Variants in ATP8A2 observed in about 807,000 individuals in gnomAD.
ATP8A2 encodes the protein ATPase phospholipid transporting 8A2.
ATP8A2 carries 100 observed loss-of-function variants against 165.6 expected under a neutral mutation model. The observed-to-expected ratio is 0.60, with a 90% CI of 0.51 to 0.71. The LOEUF (loss-of-function observed/expected upper bound fraction) is 0.71. Ranked by LOEUF, ATP8A2 falls within the 30% of genes least tolerant of loss-of-function variation. The pLI, the probability that ATP8A2 is intolerant of heterozygous loss-of-function variation, is 0.00. For missense variants in ATP8A2, 1,227 were observed against 1,479.5 expected (o/e 0.83, Z 2.80); for synonymous variants, 543 against 548.8 (o/e 0.99, Z 0.15).
chr13:25,439,811 GCAGGAGGATTGCTTGGGCC>G (rs924813156), intron 1 of ATP8A2, among the ~76,000 whole-genome samples: 35 of 152,188 alleles, frequency 2.3e-4, no homozygotes, highest in African/African-American at 8.2e-4. Flanking sequence ...GGACGCTGAG[GCAGGAGGATTGCTTGGGCC>G]CAGGAGTTTG....
intron 34 of ATP8A2, among the ~76,000 whole-genome samples, chr13:25,966,553 A>AGCATT (rs1372004727): frequency 3.3e-5 from 5 of 152,212 alleles, no homozygotes; most frequent in Non-Finnish European, 7.3e-5. Context: ...AATCATCCCC[A>AGCATT]GCATTGCAAT....
At chr13:25,717,833 G>T (rs2043289348) in intron 25 of ATP8A2, among the ~76,000 whole-genome samples, 1 of 152,192 alleles carries the variant, frequency 6.6e-6, no homozygotes, top group Admixed American at 6.5e-5. Context: ...TGGTTGTGCA[G>T]TTCCTGTGGT....
intron 33 of ATP8A2, among the ~76,000 whole-genome samples, chr13:25,915,875 A>G (rs893728505): frequency 6.6e-6 from 1 of 152,210 alleles, no homozygotes; most frequent in African/African-American, 2.4e-5. Flanking sequence ...TCCTTCCAAG[A>G]CTAAAATTAT....
intron 24 of ATP8A2, among the ~76,000 whole-genome samples, chr13:25,612,294 A>G (rs1214469060): frequency 1.3e-5 from 2 of 152,094 alleles, no homozygotes; most frequent in Non-Finnish European, 2.9e-5. Flanking sequence ...TCCTCTTAGC[A>G]CTGCCTTTGT....
intron 33 of ATP8A2, 39 bp downstream of exon 33, chr13:25,862,447 G>A (rs990319288): frequency 6.7e-7 from 1 of 1,497,822 alleles, no homozygotes; most frequent in Admixed American, 1.7e-5. Flanking sequence ...TCTGTGTCTT[G>A]TGACAGCAAT....
At chr13:25,811,853 C>G (rs1313932914) in intron 27 of ATP8A2, among the ~76,000 whole-genome samples, 1 of 152,074 alleles carries the variant, frequency 6.6e-6, no homozygotes, top group Non-Finnish European at 1.5e-5. Context: ...AGAGCAAGAC[C>G]CTATCTCAAA....
At chr13:25,548,318 T>A (rs114202209) in intron 10 of ATP8A2, among the ~76,000 whole-genome samples, 10 of 152,274 alleles carry the variant, frequency 6.6e-5, no homozygotes, top group African/African-American at 2.2e-4. Context: ...TAGGCCAAGG[T>A]TGGCTTTCCA....
At chr13:25,825,412 GCC>G (rs1951290228) in intron 27 of ATP8A2, among the ~76,000 whole-genome samples, 1 of 151,772 alleles carries the variant, frequency 6.6e-6, no homozygotes, top group Non-Finnish European at 1.5e-5. Flanking sequence ...TCTCCCCCTG[GCC>G]TCCCAAAGTG....
intron 25 of ATP8A2, among the ~76,000 whole-genome samples, chr13:25,746,874 A>C (rs554699229): frequency 6.6e-6 from 1 of 152,352 alleles, no homozygotes; most frequent in South Asian, 2.1e-4. Context: ...ATTTTATGTT[A>C]AACATTGTGC....
At chr13:25,385,037 T>C (rs1179040242) in intron 1 of ATP8A2, among the ~76,000 whole-genome samples, 2 of 152,180 alleles carry the variant, frequency 1.3e-5, no homozygotes, top group Non-Finnish European at 2.9e-5. Flanking sequence ...CCATAAACAG[T>C]GGGGAAGCCG....
chr13:25,528,508 G>A (rs961534515), intron 2 of ATP8A2, among the ~76,000 whole-genome samples: 2 of 152,132 alleles, frequency 1.3e-5, no homozygotes, highest in Admixed American at 6.6e-5. Context: ...TTTTTGAGTA[G>A]TCCACTTTGG....
At chr13:25,898,082 C>A (rs191923690) in intron 33 of ATP8A2, among the ~76,000 whole-genome samples, 1 of 152,324 alleles carries the variant, frequency 6.6e-6, no homozygotes, top group Admixed American at 6.5e-5. Flanking sequence ...TGGTGAGGAG[C>A]TGCATTCCTT....
intron 2 of ATP8A2, among the ~76,000 whole-genome samples, chr13:25,480,012 C>T (rs2036115075): frequency 6.6e-6 from 1 of 152,238 alleles, no homozygotes; most frequent in African/African-American, 2.4e-5. Context: ...TTGGGCACAC[C>T]TCCCGGACGG....
chr13:25,476,639 G>A (rs1022029939), intron 2 of ATP8A2, among the ~76,000 whole-genome samples: 1 of 152,168 alleles, frequency 6.6e-6, no homozygotes, highest in Non-Finnish European at 1.5e-5. Context: ...TAAAAACCAA[G>A]GTTATGTAAT....
At chr13:25,856,984 AC>A (rs1210056726) in intron 30 of ATP8A2, among the ~76,000 whole-genome samples, 1 of 152,212 alleles carries the variant, frequency 6.6e-6, no homozygotes, top group Non-Finnish European at 1.5e-5. Flanking sequence ...TAAAAGCTGG[AC>A]TATTCCTTTA....
chr13:25,682,329 CA>C (rs2042508813), intron 24 of ATP8A2, among the ~76,000 whole-genome samples: 1 of 152,070 alleles, frequency 6.6e-6, no homozygotes, highest in Non-Finnish European at 1.5e-5. Context: ...AGATGATAAT[CA>C]GGCATAAAAT....
intron 33 of ATP8A2, among the ~76,000 whole-genome samples, chr13:25,926,198 A>G (rs551129087): frequency 4.3e-4 from 66 of 152,258 alleles, no homozygotes; most frequent in African/African-American, 1.4e-3. Context: ...TTCCATGGCA[A>G]CTTTCCCTTG....
At chr13:25,737,193 T>C (rs1341886099) in intron 25 of ATP8A2, among the ~76,000 whole-genome samples, 1 of 152,200 alleles carries the variant, frequency 6.6e-6, no homozygotes, top group Non-Finnish European at 1.5e-5. Flanking sequence ...GCAGCTATAT[T>C]TACTTCACTT....
At chr13:25,382,419 A>G (rs1243068657) in intron 1 of ATP8A2, among the ~76,000 whole-genome samples, 2 of 152,210 alleles carry the variant, frequency 1.3e-5, no homozygotes, top group Non-Finnish European at 2.9e-5. Flanking sequence ...TTGTGTGGAC[A>G]TAAGTTTTCA....
Sources: gnomAD v4.1 joint callset for allele counts (sites outside exome capture counted in the v4.1 genomes callset) on GRCh38, gnomAD v4.1.1 for gene constraint, MANE v1.5 for transcripts, NCBI Gene and HGNC (gene_info 2026-07-23, HGNC 2026-07-21) for gene names.